The following PSEN1 variants were observed in gnomAD, a reference collection of about 807,000 sequenced individuals.
PSEN1 encodes presenilin 1.
PSEN1 carries 15 observed loss-of-function variants against 53.5 expected under a neutral mutation model. The observed-to-expected ratio is 0.28, with a 90% CI of 0.19 to 0.43. PSEN1 has a LOEUF of 0.43. Ranked by LOEUF, PSEN1 falls within the 20% of genes least tolerant of loss-of-function variation. The pLI, the probability that PSEN1 is intolerant of heterozygous loss-of-function variation, is 1.00. For missense variants in PSEN1, 387 were observed against 571.2 expected, an observed-to-expected ratio of 0.68 and a Z score of 3.29; for synonymous variants, 208 against 209.8, an observed-to-expected ratio of 0.99 and a Z score of 0.08.
At chr14:73,162,099 A>G (rs1897563280) in intron 3 of PSEN1, among the ~76,000 whole-genome samples, 1 of 151,624 alleles carries the variant, frequency 6.6e-6, no homozygotes, top group South Asian at 2.1e-4. Flanking sequence ...GAATCACTCT[A>G]ACCTGGGAGG....
At chr14:73,158,580 C>A (rs1186112887) in intron 3 of PSEN1, among the ~76,000 whole-genome samples, 1 of 152,148 alleles carries the variant, frequency 6.6e-6, no homozygotes, top group South Asian at 2.1e-4. Context: ...CCTCGGCCCC[C>A]CAAAGTGTTG....
At chr14:73,149,810 A>G (rs1003268985) in intron 3 of PSEN1, among the ~76,000 whole-genome samples, 2 of 152,222 alleles carry the variant, frequency 1.3e-5, no homozygotes, top group Non-Finnish European at 2.9e-5. Context: ...TTCGAGTACT[A>G]TTACAGTTCT....
At chr14:73,157,207 C>T (rs759600407) in intron 3 of PSEN1, among the ~76,000 whole-genome samples, 4 of 151,222 alleles carry the variant, frequency 2.6e-5, no homozygotes, top group Admixed American at 1.3e-4. Context: ...CTCACTGCAA[C>T]GTCTGCCTCC....
Position 73,223,011 on chromosome 14 carries a change from C to T in PSEN1, c.*3722C>T, listed in dbSNP as rs362344. ...TGAGCCTAGAAGTGATCCTTGTGAT[C>T]TTCTCACCTCTTTAAATTCCCACAA... is the stretch of plus-strand genomic sequence containing the variant. On this transcript the variant is annotated 3_prime_UTR_variant, in exon 12 of 12. Transcript: ENST00000324501. 37,133 of 152,028 alleles carry T rather than the reference C, an allele frequency of 0.24. 4,762 individuals carry two copies. The highest frequency in any genetic ancestry group is 0.42 in the East Asian group (2,187 of 5,168). The allele number at this position is 152,028 out of a possible 1,614,324, so 9.4% of individuals were successfully genotyped here.
intron 9 of PSEN1, among the ~76,000 whole-genome samples, chr14:73,209,519 A>T (rs569886286): frequency 6.6e-6 from 1 of 152,332 alleles, no homozygotes; most frequent in South Asian, 2.1e-4. Flanking sequence ...TTGACTGAGC[A>T]CCTGACTATG....
chr14:73,140,929 C>T (rs188558992), intron 1 of PSEN1, among the ~76,000 whole-genome samples: 217 of 152,232 alleles, frequency 1.4e-3, no homozygotes, highest in Admixed American at 2.6e-3. Flanking sequence ...ATGTGTGGAT[C>T]GGTGAGGGCA....
At position 73,211,765 on chromosome 14, in the gene PSEN1, G is replaced by A; in HGVS notation, c.956-4G>A. 6.2e-7 allele frequency: 1 copy of A among 1,613,892 alleles called. No homozygotes were observed. The highest frequency in any genetic ancestry group is 8.5e-7 in the Non-Finnish European group (1 of 1,179,920). ...AGAGCTGTAACTTCCACTTTCTCTT[G>A]AAGGCACAGAAAGGGAGTCACAAGA... On this transcript the variant is annotated splice_polypyrimidine_tract_variant and splice_region_variant and intron_variant, in intron 9 of 11. Transcript: ENST00000324501.
intron 9 of PSEN1, among the ~76,000 whole-genome samples, chr14:73,211,338 CAG>C (rs1380543865): frequency 6.6e-6 from 1 of 152,148 alleles, no homozygotes; most frequent in Non-Finnish European, 1.5e-5. Context: ...AGGCAACATT[CAG>C]GGGTAGAAGG....
chr14:73,203,135 A>G lies in PSEN1; in HGVS notation c.869-3251A>G, dbSNP rs893598522. Among the ~76,000 whole-genome samples, 13 of 152,044 alleles carry G rather than the reference A, an allele frequency of 8.6e-5. 1 individual carries two copies. In the South Asian group the frequency reaches 2.1e-3, roughly 24 times the overall value. On this transcript the variant is annotated intron_variant, in intron 8 of 11. Transcript: ENST00000324501. ...CTCTTGTTGCCCAGGCTGAAGTGCA[A>G]TGGCACAATCTCGGCTCACTGCAAC...
chr14:73,151,892 ATATTTTTTTTTTTTTTTTTT>A (rs1897238084), intron 3 of PSEN1, among the ~76,000 whole-genome samples: 1 of 51,472 alleles, frequency 1.9e-5, no homozygotes, highest in Non-Finnish European at 3.0e-5. Context: ...ATATATATAT[ATATTTTTTTTTTTTTTTTTT>A]TTTTTTTTTT....
At chr14:73,205,273 G>A (rs1173158030) in intron 8 of PSEN1, among the ~76,000 whole-genome samples, 22 of 151,956 alleles carry the variant, frequency 1.4e-4, no homozygotes, top group East Asian at 1.9e-4. Context: ...TCAGGAGATC[G>A]AGACCATCCT....
chr14:73,206,461 A>G lies in PSEN1; in HGVS notation c.944A>G (p.Tyr315Cys). The G allele has an allele frequency of 1.2e-6, 2 of 1,612,762 alleles. No homozygotes were observed. The highest frequency in any genetic ancestry group is 1.1e-5 in the South Asian group (1 of 91,060). ...AQRRVSKNSK[Y>C]NAESTERESQ... ...AGGAGAGTATCCAAAAATTCCAAGTATAATGCAGAAAGTAGGTAACTTTTA... is the reference window on the plus strand; with the variant it reads ...AGGAGAGTATCCAAAAATTCCAAGTGTAATGCAGAAAGTAGGTAACTTTTA... The change falls in exon 9 of 12, where the codon TAT becomes TGT. Residue 315 changes from tyrosine to cysteine, a missense_variant. This residue lies in a region of PSEN1 where 169 missense variants were observed against 299.7 expected (regional missense o/e 0.56). Transcript: ENST00000324501.
intron 9 of PSEN1, among the ~76,000 whole-genome samples, chr14:73,207,689 C>T (rs535775960): frequency 1.3e-5 from 2 of 152,360 alleles, no homozygotes; most frequent in African/African-American, 2.4e-5. Context: ...CTGGTGGCAC[C>T]TTTTCCTGAG....
chr14:73,147,182 C>T (rs925686674), intron 1 of PSEN1, among the ~76,000 whole-genome samples: 2 of 152,034 alleles, frequency 1.3e-5, no homozygotes, highest in African/African-American at 2.4e-5. Context: ...GATGGGGTTT[C>T]GCCATGTTGG....
intron 9 of PSEN1, among the ~76,000 whole-genome samples, chr14:73,207,571 C>CA (rs1419499114): frequency 6.6e-6 from 1 of 152,220 alleles, no homozygotes; most frequent in African/African-American, 2.4e-5. Flanking sequence ...ATTTGGAACT[C>CA]AGAGATGTGA....
In PSEN1 at chr14:73,170,952, T is replaced by C. The variant is rs199564632; in HGVS notation, c.243T>C (p.His81=). The C allele has an allele frequency of 7.4e-6, 12 of 1,614,088 alleles. No homozygotes were observed. In the African/African-American group the frequency reaches 8.0e-5, roughly 11 times the overall value. Residue 81 remains histidine, a synonymous_variant, in exon 4 of 12, where the codon CAT becomes CAC. Coordinates refer to ENST00000324501, the MANE Select transcript of PSEN1 (RefSeq NM_000021.4). ...TGACATTGAAATATGGCGCCAAGCATGTGATCATGCTCTTTGTCCCTGTGA... is the reference window on the plus strand; with the variant it reads ...TGACATTGAAATATGGCGCCAAGCACGTGATCATGCTCTTTGTCCCTGTGA... ...EELTLKYGAK[H]VIMLFVPVTL...
chr14:73,189,796 G>A (rs1898648901), intron 6 of PSEN1: 2 of 246,422 alleles, frequency 8.1e-6, no homozygotes, highest in Non-Finnish European at 1.7e-5. Context: ...CCTGCCCCCA[G>A]CTCCCCTTAA....
chr14:73,182,332 A>AG (rs975866140), intron 5 of PSEN1, among the ~76,000 whole-genome samples: 4 of 151,936 alleles, frequency 2.6e-5, no homozygotes, highest in South Asian at 2.1e-4. Context: ...AGAAAAAAAA[A>AG]AAATTAAAAA....
chr14:73,138,372 C>G (rs907125891), intron 1 of PSEN1, among the ~76,000 whole-genome samples: 1 of 151,182 alleles, frequency 6.6e-6, no homozygotes. Context: ...GCGTCCGCCA[C>G]CACGCCCGGC....
Sources: allele counts gnomAD v4.1 joint callset (sites outside exome capture counted in the v4.1 genomes callset), GRCh38; gene constraint gnomAD v4.1.1; regional missense constraint gnomAD v4.1.1; transcripts MANE v1.5; gene names NCBI Gene and HGNC (gene_info 2026-07-23, HGNC 2026-07-21).